FAT4: variants seen among roughly 807,000 people sequenced by gnomAD.
The protein encoded by FAT4 is FAT atypical cadherin 4, also known as protocadherin Fat 4.
Under a neutral mutation model 303.9 loss-of-function variants are expected in FAT4, and 84 were observed. That is an observed-to-expected ratio of 0.28 (90% CI 0.23 to 0.33). The LOEUF is 0.33. Ranked by LOEUF, FAT4 falls within the 10% of genes least tolerant of loss-of-function variation. The pLI is 1.00. For synonymous variants in FAT4, 2,307 were observed against 2,298.8 expected, an observed-to-expected ratio of 1.00 and a Z score of -0.10; for missense variants, 6,005 against 6,146.8, an observed-to-expected ratio of 0.98 and a Z score of 0.77.
In FAT4 at chr4:125,359,382, A is replaced by T. The variant is rs530844823; in HGVS notation, c.5175+37796A>T. ...TGTATTAAAATGCTAAACTGGCAAT[A>T]TATGCCGATGGCCAATTTACCTCCA... On this transcript the variant is annotated intron_variant, in intron 2 of 17. Coordinates refer to ENST00000394329, the MANE Select transcript of FAT4 (RefSeq NM_001291303.3). Among the ~76,000 whole-genome samples the T allele has an allele frequency of 2.6e-5, 4 of 152,348 alleles. No homozygotes were observed. In the East Asian group the frequency reaches 7.7e-4, roughly 29 times the overall value.
At chr4:125,423,995 CT>C (rs1326099260) in intron 7 of FAT4, among the ~76,000 whole-genome samples, 1 of 152,190 alleles carries the variant, frequency 6.6e-6, no homozygotes, top group African/African-American at 2.4e-5. Context: ...AACTGCTTTG[CT>C]TTTGATTTTA....
rs939990268 is a variant in FAT4, at chr4:125,491,841, G to T, written c.*73G>T. ...AAACCATTGTAAAGTTGCTGACTAG[G>T]TTGGGTCACATTTGAAAAACAGGCC... On this transcript the variant is annotated 3_prime_UTR_variant, in exon 18 of 18. Coordinates refer to ENST00000394329, the MANE Select transcript of FAT4 (RefSeq NM_001291303.3). 1.4e-6 allele frequency: 2 copies of T among 1,449,050 alleles called. No homozygotes were observed. The highest frequency in any genetic ancestry group is 1.4e-5 in the African/African-American group (1 of 69,690). The allele number at this position is 1,449,050 out of a possible 1,614,324, so 89.8% of individuals were successfully genotyped here.
In FAT4 at chr4:125,320,103, G is replaced by C. The variant is rs1320121573; in HGVS notation, c.3692G>C (p.Arg1231Thr). The stretch of plus-strand genomic sequence containing the variant: ...GCAGCCAATCTGACACAAGTGTTAA[G>C]AGTATCTGCCTCAGATGTTGATGAA... The part of the protein sequence containing the change: ...ESAANLTQVL[R>T]VSASDVDEGN... Residue 1231 changes from arginine (R) to threonine (T), a missense_variant, in exon 2 of 18, where the codon AGA (arginine) becomes ACA (threonine). Transcript: ENST00000394329. 1 of 1,614,014 alleles carries C rather than the reference G, an allele frequency of 6.2e-7. No individual in the cohort carries two copies. The highest frequency in any genetic ancestry group is 1.1e-5 in the South Asian group (1 of 91,086).
chr4:125,320,151 A>C lies in FAT4; in HGVS notation c.3740A>C (p.Tyr1247Ser). The change falls in exon 2 of 18, where the codon TAT becomes TCT. Residue 1247 changes from tyrosine to serine, a missense_variant. By Grantham distance (144) the Tyr-to-Ser change is moderately radical. Coordinates refer to ENST00000394329, the MANE Select transcript of FAT4 (RefSeq NM_001291303.3). ...GAAGGTAATAATGGACTTATTCACT[A>C]TTCTATAATAAAAGGAAATGAAGAA... Reference protein sequence around the residue: ...VDEGNNGLIHYSIIKGNEERQ... With the variant: ...VDEGNNGLIHSSIIKGNEERQ... 9 of 1,614,050 alleles carry C rather than the reference A, an allele frequency of 5.6e-6. No individual in the cohort carries two copies. Among genetic ancestry groups the C allele is most frequent in the Non-Finnish European group, 7.6e-6 (9 of 1,179,928 alleles).
intron 15 of FAT4, among the ~76,000 whole-genome samples, chr4:125,481,004 C>T (rs958527042): frequency 6.6e-6 from 1 of 151,838 alleles, no homozygotes; most frequent in Non-Finnish European, 1.5e-5. Context: ...CTATAATATA[C>T]ATACTGATTA....
intron 2 of FAT4, among the ~76,000 whole-genome samples, chr4:125,358,481 G>A (rs906115677): frequency 6.6e-6 from 1 of 152,076 alleles, no homozygotes; most frequent in African/African-American, 2.4e-5. Flanking sequence ...AAGGGATACA[G>A]TGACAGATCA....
intron 2 of FAT4, among the ~76,000 whole-genome samples, chr4:125,398,227 T>C (rs1457395344): frequency 6.6e-6 from 1 of 152,102 alleles, no homozygotes; most frequent in Admixed American, 6.6e-5. Flanking sequence ...TAGTCACAAA[T>C]AGAGAGTGCT....
At chr4:125,343,295 A>G (rs1020255158) in intron 2 of FAT4, among the ~76,000 whole-genome samples, 10 of 152,118 alleles carry the variant, frequency 6.6e-5, no homozygotes, top group African/African-American at 2.2e-4. Flanking sequence ...ACGTTAAACC[A>G]TATCTCTGCT....
chr4:125,418,984 A>G (rs562896213), intron 7 of FAT4, among the ~76,000 whole-genome samples: 2 of 152,298 alleles, frequency 1.3e-5, no homozygotes, highest in South Asian at 2.1e-4. Context: ...ATGAATTCAG[A>G]TAATTAATTT....
chr4:125,386,942 G>A (rs1426973675), intron 2 of FAT4, among the ~76,000 whole-genome samples: 2 of 152,278 alleles, frequency 1.3e-5, no homozygotes, highest in South Asian at 4.2e-4. Flanking sequence ...TGGGATGAAA[G>A]TGTTCCACCT....
intron 2 of FAT4, among the ~76,000 whole-genome samples, chr4:125,331,905 A>G (rs920539126): frequency 4.6e-5 from 7 of 152,288 alleles, no homozygotes; most frequent in African/African-American, 1.7e-4. Flanking sequence ...AGTTTAGTTG[A>G]AAGAATGCAG....
In FAT4 at chr4:125,408,764, C is replaced by T; in HGVS notation, c.5890C>T (p.Leu1964Phe). Residue 1964 changes from leucine (L) to phenylalanine (F), a missense_variant, in exon 5 of 18, where the codon CTT (leucine) becomes TTT (phenylalanine). Transcript: ENST00000394329. The stretch of plus-strand genomic sequence containing the variant: ...GAATCTACCTGTGGGATCTACTGTT[C>T]TTGTGTTTAATGTTACTGATGCAGA... ...MENLPVGSTVLVFNVTDADDG... is the reference protein window; with the variant it reads ...MENLPVGSTVFVFNVTDADDG... 6.3e-7 allele frequency: 1 copy of T among 1,578,162 alleles called. No individual in the cohort carries two copies. Among genetic ancestry groups the T allele is most frequent in the Non-Finnish European group, 8.6e-7 (1 of 1,161,404 alleles).
chr4:125,481,603 TTTG>T lies in FAT4; in HGVS notation c.12690_12692del (p.Leu4231del). 6.2e-7 allele frequency: 1 copy of T among 1,614,046 alleles called. No individual in the cohort carries two copies. The highest frequency in any genetic ancestry group is 8.5e-7 in the Non-Finnish European group (1 of 1,179,936). Reference sequence around the variant, plus strand: ...TGAGTCAGAATGAGAAGCGGGAATATTTGTTAAGGCAAAGCTTACGAGGTGCCA... The same window carrying T: ...TGAGTCAGAATGAGAAGCGGGAATATTTAAGGCAAAGCTTACGAGGTGCCA... On this transcript the variant is annotated inframe_deletion, in exon 16 of 18. Transcript: ENST00000394329.
Position 125,415,173 on chromosome 4 carries a change from C to T in FAT4, c.6210C>T (p.Phe2070=), listed in dbSNP as rs771989829. 6.8e-6 allele frequency: 11 copies of T among 1,613,928 alleles called. No individual in the cohort carries two copies. The highest frequency in any genetic ancestry group is 7.6e-6 in the Non-Finnish European group (9 of 1,179,984). Residue 2070 remains phenylalanine, a synonymous_variant, in exon 6 of 18, where the codon TTC becomes TTT. Coordinates refer to ENST00000394329, the MANE Select transcript of FAT4 (RefSeq NM_001291303.3). ...PENTPIDTVV[F]KAQATDPDSG... ...ATACACCTATTGATACTGTTGTTTT[C>T]AAAGCTCAAGCAACTGACCCAGATA...
chr4:125,448,110 T>G (rs1725891402), intron 9 of FAT4, among the ~76,000 whole-genome samples: 1 of 152,128 alleles, frequency 6.6e-6, no homozygotes, highest in Non-Finnish European at 1.5e-5. Flanking sequence ...GCATATTATG[T>G]TTCTTGGAAT....
chr4:125,353,250 C>G (rs1490365957), intron 2 of FAT4, among the ~76,000 whole-genome samples: 1 of 151,732 alleles, frequency 6.6e-6, no homozygotes, highest in Non-Finnish European at 1.5e-5. Flanking sequence ...AACCAGCCAG[C>G]ATTTACTGAT....
In FAT4 at chr4:125,451,921, T is replaced by C; in HGVS notation, c.10911T>C (p.Ser3637=). ...TGTTTCCCGGTGGGATTTTAGGCTC[T>C]GTGAAGCCACAGGATCCAGATGTGT... ...GNLFPGGILG[S]VKPQDPDVLD... The change falls in exon 10 of 18, where the codon TCT becomes TCC. Residue 3637 remains serine (S), a synonymous_variant. Coordinates refer to ENST00000394329, the MANE Select transcript of FAT4 (RefSeq NM_001291303.3). The C allele has an allele frequency of 6.2e-7, 1 of 1,614,166 alleles. No individual in the cohort carries two copies. Among genetic ancestry groups the C allele is most frequent in the Non-Finnish European group, 8.5e-7 (1 of 1,180,042 alleles).
chr4:125,331,646 C>T (rs965194896), intron 2 of FAT4, among the ~76,000 whole-genome samples: 1 of 152,120 alleles, frequency 6.6e-6, no homozygotes, highest in African/African-American at 2.4e-5. Context: ...CTCCTTCAAC[C>T]TTATCTAATT....
At chr4:125,455,119 G>T (rs1726233259) in intron 10 of FAT4, among the ~76,000 whole-genome samples, 1 of 152,030 alleles carries the variant, frequency 6.6e-6, no homozygotes, top group African/African-American at 2.4e-5. Flanking sequence ...TTTATCGGCT[G>T]GGAATTCAAC....
Sources: allele counts gnomAD v4.1 joint callset (sites outside exome capture counted in the v4.1 genomes callset), GRCh38; gene constraint gnomAD v4.1.1; transcripts MANE v1.5; gene names NCBI Gene and HGNC (gene_info 2026-07-23, HGNC 2026-07-21).